The following PRKAR1B variants were observed in gnomAD, a reference collection of about 807,000 sequenced individuals.
PRKAR1B encodes the protein cAMP-dependent protein kinase type I-beta regulatory subunit.
In PRKAR1B, 22 loss-of-function variants were observed where a neutral mutation model predicts 46.5. The observed-to-expected ratio is 0.47, with a 90% CI of 0.34 to 0.68. The LOEUF is 0.68. PRKAR1B is among the 30% of genes least tolerant of loss of function. The probability of loss-of-function intolerance (pLI) is 0.01; values close to 1 mark genes in which losing one functional copy is unlikely to be tolerated. For missense variants in PRKAR1B, 445 were observed against 535.6 expected (o/e 0.83, Z 1.67); for synonymous variants, 259 against 217.7 (o/e 1.19, Z -1.67).
chr7:635,372 C>T (rs1002170453), intron 4 of PRKAR1B, among the ~76,000 whole-genome samples: 11 of 152,228 alleles, frequency 7.2e-5, no homozygotes, highest in African/African-American at 2.4e-4. Context: ...ACTGTGGCAT[C>T]GCTGCTCTGA....
At chr7:707,461 G>T (rs1033702711) in intron 2 of PRKAR1B, among the ~76,000 whole-genome samples, 3 of 152,154 alleles carry the variant, frequency 2.0e-5, no homozygotes, top group African/African-American at 7.2e-5. Flanking sequence ...TGCTGTTGGA[G>T]GAAGGCCTGA....
chr7:685,656 T>C lies in PRKAR1B; in HGVS notation c.178-4930A>G, dbSNP rs74367433. Among the ~76,000 whole-genome samples the C allele has an allele frequency of 8.5e-3, 1,282 of 151,500 alleles. 13 individuals are homozygous for C. Among genetic ancestry groups the C allele is most frequent in the Middle Eastern group, 0.031 (9 of 294 alleles). ...CAGTTCACCTACAAAGGACTGACAA[T>C]AAGAATGGCTCAAACTTCTCAAAAG... On this transcript the variant is annotated intron_variant, in intron 2 of 10. Coordinates refer to ENST00000537384, the MANE Select transcript of PRKAR1B (RefSeq NM_001164760.2).
In PRKAR1B at chr7:665,500, G is replaced by C. The variant is rs180970569; in HGVS notation, c.440+11729C>G. Among the ~76,000 whole-genome samples, 1,171 of 152,278 alleles carry C rather than the reference G, an allele frequency of 7.7e-3. 17 individuals are homozygous for C. Among genetic ancestry groups the C allele is most frequent in the African/African-American group, 0.027 (1,105 of 41,536 alleles). On this transcript the variant is annotated intron_variant, in intron 4 of 10. Coordinates refer to ENST00000537384, the MANE Select transcript of PRKAR1B (RefSeq NM_001164760.2). ...CTTCAAACCCCAGGCTTCAGCCTCC[G>C]TTGAATTCAGCTTCTAAAGCCTCCC...
At chr7:571,125 A>G (rs934346090) in intron 9 of PRKAR1B, among the ~76,000 whole-genome samples, 1 of 152,184 alleles carries the variant, frequency 6.6e-6, no homozygotes, top group Non-Finnish European at 1.5e-5. Flanking sequence ...AAAGAGCGAC[A>G]AGTAGGAACT....
At chr7:663,892 G>A (rs769083436) in intron 4 of PRKAR1B, among the ~76,000 whole-genome samples, 13 of 152,208 alleles carry the variant, frequency 8.5e-5, no homozygotes, top group Non-Finnish European at 1.5e-4. Flanking sequence ...GCAGGGAGCA[G>A]ACAGGTGGGC....
At chr7:691,685 C>A in intron 2 of PRKAR1B, 1 of 1,283,490 alleles carries the variant, frequency 7.8e-7, no homozygotes, top group South Asian at 1.3e-5. Context: ...GTGCTGTGAC[C>A]TCACACGGTC....
At position 625,964 on chromosome 7, in the gene PRKAR1B, C is replaced by T. The variant is rs536661855; in HGVS notation, c.441-18512G>A. ...CAGAGGTTGCAGTGAGCCGAGATCGCGCCATTGCACTCCAGCCTGGGTGAC... is the reference window on the plus strand; with the variant it reads ...CAGAGGTTGCAGTGAGCCGAGATCGTGCCATTGCACTCCAGCCTGGGTGAC... On this transcript the variant is annotated intron_variant, in intron 4 of 10. Coordinates refer to ENST00000537384, the MANE Select transcript of PRKAR1B (RefSeq NM_001164760.2). Among the ~76,000 whole-genome samples the T allele has an allele frequency of 3.8e-4, 57 of 148,686 alleles. 1 individual carries two copies. The highest frequency in any genetic ancestry group is 1.3e-3 in the African/African-American group (52 of 40,344).
chr7:569,859 G>A (rs1166686248), intron 9 of PRKAR1B, among the ~76,000 whole-genome samples: 1 of 152,186 alleles, frequency 6.6e-6, no homozygotes, highest in Admixed American at 6.5e-5. Context: ...GCCACCCCAG[G>A]GCCAGACCCC....
chr7:585,791 G>T (rs1411862167), intron 7 of PRKAR1B, among the ~76,000 whole-genome samples: 1 of 152,104 alleles, frequency 6.6e-6, no homozygotes, highest in Non-Finnish European at 1.5e-5. Flanking sequence ...TAGGAACCAC[G>T]GAACCAAGAA....
At chr7:584,327 G>C (rs898476054) in intron 8 of PRKAR1B, among the ~76,000 whole-genome samples, 181 bp downstream of exon 8, 12 of 152,232 alleles carry the variant, frequency 7.9e-5, no homozygotes, top group Non-Finnish European at 1.5e-4. Context: ...GCCAACAAGT[G>C]ACAGTGTGTG....
chr7:637,520 T>C (rs1483319836), intron 4 of PRKAR1B, among the ~76,000 whole-genome samples: 1 of 152,206 alleles, frequency 6.6e-6, no homozygotes, highest in Non-Finnish European at 1.5e-5. Flanking sequence ...AAATCTTCAG[T>C]GCACCTTTAA....
intron 2 of PRKAR1B, among the ~76,000 whole-genome samples, chr7:705,783 C>G: frequency 6.6e-6 from 1 of 151,952 alleles, no homozygotes; most frequent in Non-Finnish European, 1.5e-5. Context: ...TCCCAACACA[C>G]TGGGAGGCCG....
chr7:621,415 G>T (rs751296435), intron 4 of PRKAR1B, among the ~76,000 whole-genome samples: 4 of 152,106 alleles, frequency 2.6e-5, no homozygotes, highest in Non-Finnish European at 5.9e-5. Context: ...CAAATTGTTG[G>T]CTTTCCTTTG....
intron 4 of PRKAR1B, among the ~76,000 whole-genome samples, chr7:662,583 T>C (rs1583380375): frequency 2.2e-5 from 2 of 90,706 alleles, no homozygotes; most frequent in African/African-American, 8.9e-5. Context: ...TTACCTACTC[T>C]CCCCCCCATA....
In PRKAR1B at chr7:687,869, G is replaced by T. The variant is rs556095368; in HGVS notation, c.178-7143C>A. On this transcript the variant is annotated intron_variant, in intron 2 of 10. Transcript: ENST00000537384. ...CCAGGACTTTGGGAGGCCGAGGCAG[G>T]CGGATCACCTGAGGTCAGCAGTTCA... Among the ~76,000 whole-genome samples the T allele has an allele frequency of 2.5e-3, 378 of 152,214 alleles. 1 individual carries two copies. The highest frequency in any genetic ancestry group is 8.3e-3 in the African/African-American group (345 of 41,510).
At chr7:568,970 G>A (rs1396494986) in intron 9 of PRKAR1B, among the ~76,000 whole-genome samples, 2 of 151,148 alleles carry the variant, frequency 1.3e-5, no homozygotes, top group Non-Finnish European at 3.0e-5. Flanking sequence ...GGAGGGGAGG[G>A]TTGAGGGAGG....
chr7:683,653 G>C (rs538603239), intron 2 of PRKAR1B, among the ~76,000 whole-genome samples: 2 of 152,374 alleles, frequency 1.3e-5, no homozygotes, highest in Admixed American at 6.5e-5. Context: ...CCACAGACCA[G>C]AGTGGGCCTG....
chr7:667,639 G>A lies in PRKAR1B; in HGVS notation c.440+9590C>T, dbSNP rs963374128. 6.6e-6 allele frequency among the ~76,000 whole-genome samples: 1 copy of A among 152,182 alleles called. No individual in the cohort carries two copies. The highest frequency in any genetic ancestry group is 2.4e-5 in the African/African-American group (1 of 41,428). On this transcript the variant is annotated intron_variant, in intron 4 of 10. Coordinates refer to ENST00000537384, the MANE Select transcript of PRKAR1B (RefSeq NM_001164760.2). The surrounding 1 kb of genome is among the most constrained non-coding windows in gnomAD (Gnocchi z 4.3). ...TTCTCAATCTTCCTTCACCATGCAG[G>A]CAGGGTAGCGGCAGGTGCAGGTGAT...
intron 4 of PRKAR1B, among the ~76,000 whole-genome samples, chr7:620,178 C>T (rs1374986873): frequency 6.6e-6 from 1 of 152,168 alleles, no homozygotes; most frequent in Non-Finnish European, 1.5e-5. Context: ...AATGTGTTTA[C>T]TGCCTCACAA....
Sources: allele counts gnomAD v4.1 joint callset (sites outside exome capture counted in the v4.1 genomes callset), GRCh38; gene constraint gnomAD v4.1.1; non-coding constraint Gnocchi (gnomAD v3.1); transcripts MANE v1.5; gene names NCBI Gene and HGNC (gene_info 2026-07-23, HGNC 2026-07-21).